Variants in AK5 observed in about 807,000 individuals in gnomAD.
AK5 encodes adenylate kinase isoenzyme 5.
In AK5, 27 loss-of-function variants were observed where a neutral mutation model predicts 69.5. That is an observed-to-expected ratio of 0.39 (90% CI 0.29 to 0.54). The LOEUF (loss-of-function observed/expected upper bound fraction) is 0.54. Ranked by LOEUF, AK5 falls within the 20% of genes least tolerant of loss-of-function variation. The pLI is 0.71. For missense variants in AK5, 531 were observed against 700.4 expected (o/e 0.76, Z 2.73); for synonymous variants, 260 against 244.4 (o/e 1.06, Z -0.60).
At chr1:77,484,065 T>C (rs187029167) in intron 9 of AK5, among the ~76,000 whole-genome samples, 23 of 151,710 alleles carry the variant, frequency 1.5e-4, no homozygotes, top group Admixed American at 1.3e-3. Context: ...CTCAGGAGGC[T>C]GAGGCAGGAG....
intron 3 of AK5, among the ~76,000 whole-genome samples, chr1:77,294,963 AG>A (rs1435163477): frequency 6.6e-6 from 1 of 152,122 alleles, no homozygotes; most frequent in Non-Finnish European, 1.5e-5. Flanking sequence ...CAGGAGTTCA[AG>A]GTTGCAGTGA....
At chr1:77,483,440 G>A in intron 9 of AK5, 81 bp downstream of exon 9, 1 of 1,093,836 alleles carries the variant, frequency 9.1e-7, no homozygotes, top group Admixed American at 1.7e-5. Flanking sequence ...ATCAACTTGA[G>A]AGAAAAAATA....
At chr1:77,300,230 G>A (rs1332512781) in intron 5 of AK5, among the ~76,000 whole-genome samples, 1 of 152,152 alleles carries the variant, frequency 6.6e-6, no homozygotes, top group Admixed American at 6.5e-5. Context: ...CTAGTCACGG[G>A]TAACAGTACC....
intron 8 of AK5, among the ~76,000 whole-genome samples, chr1:77,442,918 T>C (rs1332768604): frequency 6.6e-6 from 1 of 152,168 alleles, no homozygotes; most frequent in Non-Finnish European, 1.5e-5. Context: ...TTGTGGGGTT[T>C]GCAGAATTTT....
intron 6 of AK5, among the ~76,000 whole-genome samples, chr1:77,369,151 A>G (rs2100470077): frequency 6.6e-6 from 1 of 152,280 alleles, no homozygotes; most frequent in South Asian, 2.1e-4. Flanking sequence ...AATTATATTC[A>G]AAGGAGTTTT....
At chr1:77,509,265 A>C (rs1258553693) in intron 10 of AK5, among the ~76,000 whole-genome samples, 1 of 152,254 alleles carries the variant, frequency 6.6e-6, no homozygotes. Flanking sequence ...TATAACCTTC[A>C]GCTGACCCTG....
chr1:77,345,080 G>T (rs1021859434), intron 6 of AK5, among the ~76,000 whole-genome samples: 1 of 151,564 alleles, frequency 6.6e-6, no homozygotes, highest in Non-Finnish European at 1.5e-5. Flanking sequence ...GTTCTATTCA[G>T]CCAGAAAAAC....
intron 12 of AK5, among the ~76,000 whole-genome samples, chr1:77,531,465 C>A (rs1658580339): frequency 6.6e-6 from 1 of 152,124 alleles, no homozygotes; most frequent in African/African-American, 2.4e-5. Context: ...CAAGTCCCCA[C>A]CAGGGTAGCT....
At chr1:77,394,613 A>T (rs1255430417) in intron 6 of AK5, among the ~76,000 whole-genome samples, 1 of 152,000 alleles carries the variant, frequency 6.6e-6, no homozygotes, top group Non-Finnish European at 1.5e-5. Context: ...ACTCTAGTGC[A>T]TGGCATATAG....
In AK5 at chr1:77,518,667, A is replaced by G; in HGVS notation, c.1251A>G (p.Ser417=). ...AGCTCCTGCGTGAGGAACTGGCATC[A>G]GAATCTGAAAGAAGCAAATTGATCA... ...TGELLREELA[S]ESERSKLIRD... The change falls in exon 11 of 14, where the codon TCA becomes TCG. Residue 417 remains serine, a synonymous_variant. Coordinates refer to ENST00000354567, the MANE Select transcript of AK5 (RefSeq NM_174858.3). The G allele has an allele frequency of 6.2e-7, 1 of 1,614,248 alleles. No homozygotes were observed. The highest frequency in any genetic ancestry group is 8.5e-7 in the Non-Finnish European group (1 of 1,180,044).
intron 10 of AK5, among the ~76,000 whole-genome samples, chr1:77,490,851 C>T (rs1362970954): frequency 6.6e-6 from 1 of 150,646 alleles, no homozygotes; most frequent in Non-Finnish European, 1.5e-5. Context: ...CGTCTTTTTC[C>T]CTTCTCCATT....
chr1:77,391,487 GTGTGTGTGTATA>G (rs1203313314), intron 6 of AK5, among the ~76,000 whole-genome samples: 1,345 of 89,470 alleles, frequency 0.015, 34 homozygotes, highest in Non-Finnish European at 0.019. Flanking sequence ...GTGTGTATGT[GTGTGTGTGTATA>G]TATATATATA....
At chr1:77,319,721 G>A (rs1290693247) in intron 5 of AK5, among the ~76,000 whole-genome samples, 3 of 152,154 alleles carry the variant, frequency 2.0e-5, no homozygotes, top group Non-Finnish European at 2.9e-5. Context: ...GTTATAATTT[G>A]GATATCTTAA....
intron 2 of AK5, among the ~76,000 whole-genome samples, chr1:77,287,405 A>G (rs1387857664): frequency 6.6e-6 from 1 of 152,242 alleles, no homozygotes; most frequent in African/African-American, 2.4e-5. Context: ...CAAGCCATAC[A>G]TACATTTTCC....
At chr1:77,467,102 C>T (rs762000913) in intron 8 of AK5, among the ~76,000 whole-genome samples, 12 of 152,232 alleles carry the variant, frequency 7.9e-5, no homozygotes, top group South Asian at 2.1e-4. Flanking sequence ...TTGTAACATA[C>T]TCCTGTATAG....
intron 6 of AK5, among the ~76,000 whole-genome samples, chr1:77,404,596 A>G (rs1649492535): frequency 6.6e-6 from 1 of 152,124 alleles, no homozygotes; most frequent in Non-Finnish European, 1.5e-5. Context: ...GTGCCATAAT[A>G]TTTGCTAAAA....
chr1:77,490,489 G>T (rs927332709), intron 10 of AK5, among the ~76,000 whole-genome samples: 22 of 152,184 alleles, frequency 1.4e-4, no homozygotes, highest in African/African-American at 5.3e-4. Context: ...TGTTCCCGAA[G>T]AAAGCAGCTC....
chr1:77,467,391 GCAGAGCCTGCTGCT>G (rs1351326465), intron 8 of AK5, among the ~76,000 whole-genome samples: 1 of 152,200 alleles, frequency 6.6e-6, no homozygotes. Flanking sequence ...TCTGTTCTGC[GCAGAGCCTGCTGCT>G]CAGTAATAAG....
intron 6 of AK5, among the ~76,000 whole-genome samples, chr1:77,375,525 G>A (rs892349393): frequency 6.6e-6 from 1 of 151,990 alleles, no homozygotes; most frequent in African/African-American, 2.4e-5. Flanking sequence ...CCTTCTCCTT[G>A]GGCTTTGTTA....
Sources: gnomAD v4.1 joint callset for allele counts (sites outside exome capture counted in the v4.1 genomes callset) on GRCh38, gnomAD v4.1.1 for gene constraint, MANE v1.5 for transcripts, NCBI Gene and HGNC (gene_info 2026-07-23, HGNC 2026-07-21) for gene names.